Variants in RAD52 observed in about 807,000 individuals in gnomAD.
RAD52 encodes DNA repair protein RAD52 homolog.
RAD52 carries 47 observed loss-of-function variants against 55.5 expected under a neutral mutation model. The ratio of observed to expected loss-of-function variants is 0.85; its 90% CI spans 0.67 to 1.08. The LOEUF is 1.08. Ranked by LOEUF, RAD52 falls within the 50% of genes least tolerant of loss-of-function variation. The pLI, the probability that RAD52 is intolerant of heterozygous loss-of-function variation, is 0.00. For missense variants in RAD52, 468 were observed against 522.8 expected (o/e 0.90, Z 1.02); for synonymous variants, 184 against 198.9 (o/e 0.92, Z 0.63).
chr12:928,011 C>T (rs1029847100), intron 5 of RAD52, among the ~76,000 whole-genome samples: 1 of 152,170 alleles, frequency 6.6e-6, no homozygotes, highest in Admixed American at 6.5e-5. Flanking sequence ...TGGACCTGAG[C>T]ACATCATTCG....
intron 1 of RAD52, among the ~76,000 whole-genome samples, chr12:978,369 CTACA>C (rs1958962463): frequency 6.6e-6 from 1 of 151,110 alleles, no homozygotes; most frequent in Non-Finnish European, 1.5e-5. Context: ...AGTTCTTAAA[CTACA>C]TACAATTAAG....
Position 971,791 on chromosome 12 carries a change from A to G in RAD52, c.-19+18018T>C, listed in dbSNP as rs189893356. 1.2e-3 allele frequency among the ~76,000 whole-genome samples: 180 copies of G among 152,014 alleles called. 5 individuals are homozygous for G. The South Asian group carries it at 0.028, about 23-fold the overall frequency. Reference sequence around the variant, plus strand: ...TTGAGACGGAGTCTCGCTGTCGCCCAGGCTGGAGTGCAGTGGCGCGATCTC... The same window carrying G: ...TTGAGACGGAGTCTCGCTGTCGCCCGGGCTGGAGTGCAGTGGCGCGATCTC... On this transcript the variant is annotated intron_variant, in intron 1 of 11. Coordinates refer to the RAD52 transcript ENST00000430095.
At chr12:978,911 T>C (rs949442510) in intron 1 of RAD52, among the ~76,000 whole-genome samples, 5 of 151,508 alleles carry the variant, frequency 3.3e-5, no homozygotes, top group Admixed American at 2.0e-4. Context: ...GATAGATAGA[T>C]AGATAGACAG....
At chr12:967,785 T>C (rs1166537352) in intron 1 of RAD52, among the ~76,000 whole-genome samples, 1 of 151,906 alleles carries the variant, frequency 6.6e-6, no homozygotes, top group Non-Finnish European at 1.5e-5. Flanking sequence ...AAAAAACTTT[T>C]TGTGGCTGGG....
intron 1 of RAD52, chr12:974,074 A>G (rs1358571847): frequency 6.6e-6 from 1 of 152,214 alleles, no homozygotes; most frequent in Non-Finnish European, 1.5e-5. Context: ...ATTTGGTCTC[A>G]GTAACCGGAC....
chr12:947,225 C>T (rs1024940141), intron 1 of RAD52, among the ~76,000 whole-genome samples: 1 of 152,144 alleles, frequency 6.6e-6, no homozygotes, highest in Non-Finnish European at 1.5e-5. Context: ...ACTCGGGAGG[C>T]TGAGGCAGGA....
intron 7 of RAD52, 110 bp from the exon 8 acceptor site, chr12:916,930 C>T: frequency 1.4e-6 from 2 of 1,434,536 alleles, no homozygotes; most frequent in Non-Finnish European, 1.9e-6. Flanking sequence ...CATCCTCCAT[C>T]CATCACGCCT....
Position 928,293 on chromosome 12 carries a change from C to T in RAD52, c.349-1030G>A, listed in dbSNP as rs544446637. Among the ~76,000 whole-genome samples, 14 of 152,288 alleles carry T rather than the reference C, an allele frequency of 9.2e-5. No homozygotes were observed. In the East Asian group the frequency reaches 2.5e-3, roughly 27 times the overall value. On this transcript the variant is annotated intron_variant, in intron 5 of 11. Coordinates refer to ENST00000358495, the MANE Select transcript of RAD52 (RefSeq NM_134424.4). ...TTTGGAGGCCAAGGCGGGTGGATCA[C>T]CTGAGGTTGTGAGTTCCAGACCAGC...
At chr12:986,649 C>T (rs1426250338) in intron 1 of RAD52, among the ~76,000 whole-genome samples, 7 of 151,982 alleles carry the variant, frequency 4.6e-5, no homozygotes, top group African/African-American at 1.7e-4. Flanking sequence ...ACAGATGTGA[C>T]CTACTGAGCC....
At chr12:979,453 A>T (rs542560070) in intron 1 of RAD52, among the ~76,000 whole-genome samples, 2 of 152,112 alleles carry the variant, frequency 1.3e-5, no homozygotes, top group Non-Finnish European at 2.9e-5. Flanking sequence ...AAAGAAAAAA[A>T]AAAGGTTAAT....
intron 1 of RAD52, among the ~76,000 whole-genome samples, chr12:984,809 C>G (rs996210493): frequency 6.6e-6 from 1 of 152,124 alleles, no homozygotes; most frequent in Non-Finnish European, 1.5e-5. Flanking sequence ...GGACTACAGG[C>G]GCCCGCCACC....
At chr12:985,329 A>G (rs143807416) in intron 1 of RAD52, among the ~76,000 whole-genome samples, 6,050 of 152,020 alleles carry the variant, frequency 0.04, 140 homozygotes, top group Middle Eastern at 0.076. Context: ...TTTTGCAGAC[A>G]TGGGGGTCTC....
intron 7 of RAD52, among the ~76,000 whole-genome samples, chr12:924,229 G>A (rs1450734851): frequency 6.6e-6 from 1 of 151,980 alleles, no homozygotes; most frequent in Non-Finnish European, 1.5e-5. Context: ...CCAAGATGGT[G>A]AAACCCCGTC....
At chr12:944,123 G>C (rs571396317) in intron 1 of RAD52, among the ~76,000 whole-genome samples, 1 of 152,220 alleles carries the variant, frequency 6.6e-6, no homozygotes, top group East Asian at 1.9e-4. Flanking sequence ...GGCTGAGGTG[G>C]AAGGCTTGCT....
chr12:953,080 G>A (rs574718335), upstream of RAD52, among the ~76,000 whole-genome samples: 12 of 145,032 alleles, frequency 8.3e-5, no homozygotes, highest in South Asian at 1.4e-3. Flanking sequence ...GGAGGGGGGC[G>A]GATCACTTGA....
chr12:952,666 C>T (rs1410320471), upstream of RAD52, among the ~76,000 whole-genome samples: 2 of 151,148 alleles, frequency 1.3e-5, no homozygotes, highest in African/African-American at 2.4e-5. Context: ...ACGAGAGGAT[C>T]GCCTTGACCA....
rs373013508 is a variant in RAD52, at chr12:914,633, C to T, written c.866-101G>A. On this transcript the variant is annotated intron_variant, in intron 9 of 11. Coordinates refer to ENST00000358495, the MANE Select transcript of RAD52 (RefSeq NM_134424.4). ...CCCTCTTGTTAGAGGGAACACTCTCCGAAGCACAACACCGCTTAGGGCTGC... is the reference window on the plus strand; with the variant it reads ...CCCTCTTGTTAGAGGGAACACTCTCTGAAGCACAACACCGCTTAGGGCTGC... The T allele has an allele frequency of 1.7e-5, 24 of 1,397,230 alleles. No homozygotes were observed. In the East Asian group the frequency reaches 2.4e-4, roughly 14 times the overall value. The allele number at this position is 1,397,230 out of a possible 1,614,324, so 86.6% of individuals were successfully genotyped here. A position where few individuals can be genotyped will look rare whatever the true frequency, so the allele number is the denominator to read the frequency against.
intron 1 of RAD52, among the ~76,000 whole-genome samples, chr12:984,757 C>T (rs550526972): frequency 7.8e-4 from 119 of 152,094 alleles, no homozygotes; most frequent in Non-Finnish European, 1.4e-3. Context: ...CTCCGCCTCC[C>T]GGCTTCACGC....
Position 914,089 on chromosome 12 carries a change from C to T in RAD52, c.1000G>A (p.Val334Met), listed in dbSNP as rs759920122. 1.1e-5 allele frequency: 17 copies of T among 1,614,172 alleles called. No homozygotes were observed. In the Admixed American group the frequency reaches 2.7e-4, roughly 25 times the overall value. ...ACACCATCCCCTGCATCGGGAGTCA[C>T]AGCCCACTTTTCAGAGTTGTCTTCA... ...TLEDNSEKWA[V>M]TPDAGDGVVK... The change falls in exon 11 of 12, where the codon GTG becomes ATG. Residue 334 changes from valine to methionine, a missense_variant. Transcript: ENST00000358495.
Sources: allele counts gnomAD v4.1 joint callset (sites outside exome capture counted in the v4.1 genomes callset), GRCh38; gene constraint gnomAD v4.1.1; transcripts MANE v1.5; gene names NCBI Gene and HGNC (gene_info 2026-07-23, HGNC 2026-07-21).